The following BCAR1 variants were observed in gnomAD, a reference collection of about 807,000 sequenced individuals.
BCAR1 encodes the protein breast cancer anti-estrogen resistance protein 1.
Under a neutral mutation model 67.6 loss-of-function variants are expected in BCAR1, and 30 were observed. That is an observed-to-expected ratio of 0.44 (90% CI 0.33 to 0.60). The LOEUF is 0.60. BCAR1 is among the 20% of genes least tolerant of loss of function. The pLI is 0.02. For missense variants in BCAR1, 1,313 were observed against 1,222.3 expected, an observed-to-expected ratio of 1.07 and a Z score of -1.11; for synonymous variants, 626 against 556.7, an observed-to-expected ratio of 1.12 and a Z score of -1.75.
Position 75,229,921 on chromosome 16 carries a change from C to T in BCAR1, c.2203G>A (p.Gly735Ser), listed in dbSNP as rs143657726. The part of the protein sequence containing the change: ...AQPLAPGRTG[G>S]LGPSDRQLLL... ...AGCTGCCGGTCCGAGGGCCCCAGGC[C>T]GCCTGTTCGCCCCGGGGCCAGGGGT... The change falls in exon 7 of 7, where the codon GGC becomes AGC. Residue 735 changes from glycine (G) to serine (S), a missense_variant. Transcript: ENST00000162330. 354 of 1,607,158 alleles carry T rather than the reference C, an allele frequency of 2.2e-4. No homozygotes were observed. The African/African-American group carries it at 4.1e-3, about 18-fold the overall frequency.
In BCAR1 at chr16:75,235,686, C is replaced by A; in HGVS notation, c.1213G>T (p.Val405Phe). 6.2e-7 allele frequency: 1 copy of A among 1,611,596 alleles called. No homozygotes were observed. Reference sequence around the variant, plus strand: ...GGCACCGCATACACACCACTGTCGACCACGCCACCATCAGCCACCTCAGGA... The same window carrying A: ...GGCACCGCATACACACCACTGTCGAACACGCCACCATCAGCCACCTCAGGA... Reference protein sequence around the residue: ...LPPEVADGGVVDSGVYAVPPP... With the variant: ...LPPEVADGGVFDSGVYAVPPP... The change falls in exon 5 of 7, where the codon GTC becomes TTC. Residue 405 changes from valine (V) to phenylalanine (F), a missense_variant. Physicochemically the swap from Val to Phe is conservative, Grantham distance 50. Around this residue, in one of 2 missense-constraint regions of BCAR1, gnomAD observed 1,272 missense variants for 1,137.5 expected, o/e 1.12. Coordinates refer to ENST00000162330, the MANE Select transcript of BCAR1 (RefSeq NM_014567.5).
intron 2 of BCAR1, chr16:75,239,187 C>G (rs1029451437): frequency 1.1e-6 from 1 of 888,874 alleles, no homozygotes; most frequent in African/African-American, 1.8e-5. Flanking sequence ...CTGCTAATCA[C>G]AGGCCACCCT....
chr16:75,235,001 T>A lies in BCAR1; in HGVS notation c.1898A>T (p.Gln633Leu). ...PNPTDKTSSI[Q>L]SRPLPSPPKF... ...AGGGGGTGAGGGCAGGGGTCGTGAC[T>A]GGATGCTGCTGGTCTTGTCAGTGGG... The change falls in exon 5 of 7, where the codon CAG (glutamine) becomes CTG (leucine). Residue 633 changes from glutamine (Q) to leucine (L), a missense_variant. By Grantham distance (113) the Gln-to-Leu change is moderately radical (BLOSUM62 -2). Around this residue, in one of 2 missense-constraint regions of BCAR1, gnomAD observed 1,272 missense variants for 1,137.5 expected, o/e 1.12. Transcript: ENST00000162330. The A allele has an allele frequency of 1.2e-6, 2 of 1,611,784 alleles. No individual in the cohort carries two copies. Among genetic ancestry groups the A allele is most frequent in the Non-Finnish European group, 1.7e-6 (2 of 1,178,662 alleles).
rs993212071 is a variant in BCAR1, at chr16:75,250,821, G to C, written c.12+650C>G. 5 of 985,458 alleles carry C rather than the reference G, an allele frequency of 5.1e-6. No individual in the cohort carries two copies. The African/African-American group carries it at 7.0e-5, about 14-fold the overall frequency. 61.0% of individuals were successfully genotyped at this position (985,458 alleles called of 1,614,324 possible). On this transcript the variant is annotated intron_variant, in intron 1 of 6. Transcript: ENST00000162330. ...CTCCCGCGACACTCGCGTGCGGCTA[G>C]GACTCCTGTGGCCAGGACCCGGCTT...
At position 75,266,112 on chromosome 16, in the gene BCAR1, G is replaced by A. The variant is rs114532050; in HGVS notation, c.66+1803C>T. The A allele has an allele frequency of 0.022, 19,512 of 897,316 alleles. 1,974 individuals carry two copies. In the African/African-American group the frequency reaches 0.26, roughly 12 times the overall value. 55.6% of individuals were successfully genotyped at this position (897,316 alleles called of 1,614,324 possible). Reference sequence around the variant, plus strand: ...TCTGTCGGCCCAACGCGGCGGGGAGGCGCGGTCTCCTCCGCTCCTCGCCGA... The same window carrying A: ...TCTGTCGGCCCAACGCGGCGGGGAGACGCGGTCTCCTCCGCTCCTCGCCGA... On this transcript the variant is annotated intron_variant, in intron 1 of 6. Transcript: ENST00000393422.
intron 1 of BCAR1, among the ~76,000 whole-genome samples, chr16:75,244,515 C>A (rs1009957187): frequency 6.6e-6 from 1 of 152,228 alleles, no homozygotes; most frequent in East Asian, 1.9e-4. Context: ...CATCAGAGGG[C>A]GATGGCATAC....
At chr16:75,236,180 G>T in intron 4 of BCAR1, 194 bp from the exon 5 acceptor site, 1 of 656,008 alleles carries the variant, frequency 1.5e-6, no homozygotes, top group Non-Finnish European at 2.5e-6. Context: ...ACACACACTC[G>T]CAGCCCTAGC....
Position 75,235,473 on chromosome 16 carries a change from G to A in BCAR1, c.1426C>T (p.His476Tyr). Residue 476 changes from histidine (H) to tyrosine (Y), a missense_variant, in exon 5 of 7, where the codon CAC (histidine) becomes TAC (tyrosine). Physicochemically the swap from His to Tyr is moderately conservative, Grantham distance 83. Around this residue, in one of 2 missense-constraint regions of BCAR1, gnomAD observed 1,272 missense variants for 1,137.5 expected, o/e 1.12. Transcript: ENST00000162330. ...GCGCTGCCTGCCAGGTCCAGAAGGT[G>A]GGCAACGGTGGCGCTCACACCCTGC... The part of the protein sequence containing the change: ...LQQGVSATVA[H>Y]LLDLAGSAGA... The A allele has an allele frequency of 6.2e-7, 1 of 1,604,770 alleles. No individual in the cohort carries two copies. The highest frequency in any genetic ancestry group is 1.1e-5 in the South Asian group (1 of 90,250).
chr16:75,236,300 G>GC (rs1597190756), intron 4 of BCAR1: 1 of 462,558 alleles, frequency 2.2e-6, no homozygotes, highest in East Asian at 3.8e-5. Flanking sequence ...CCAAAGAATT[G>GC]CATGTGTTAA....
chr16:75,255,662 G>T (rs149483235), upstream of BCAR1, among the ~76,000 whole-genome samples: 208 of 151,242 alleles, frequency 1.4e-3, no homozygotes, highest in African/African-American at 5.0e-3. Flanking sequence ...CTGTACTCCA[G>T]CCTGGGCGAT....
At chr16:75,257,606 C>T (rs1167163355) in intron 1 of BCAR1, among the ~76,000 whole-genome samples, 3 of 152,196 alleles carry the variant, frequency 2.0e-5, no homozygotes, top group Admixed American at 6.5e-5. Context: ...AGGTGTGCAC[C>T]GCCATGCCTG....
upstream of BCAR1, chr16:75,252,541 T>TGGGCC (rs1353223499): frequency 4.7e-6 from 4 of 843,878 alleles, no homozygotes; most frequent in Admixed American, 3.2e-5. Context: ...CCAGAGCCCC[T>TGGGCC]GGGCCAGGCC....
At chr16:75,265,985 G>A (rs1198800513) in intron 1 of BCAR1, 3 of 1,047,408 alleles carry the variant, frequency 2.9e-6, no homozygotes, top group East Asian at 8.0e-5. Context: ...GGACTGTCCG[G>A]CCGCTCCAGC....
At chr16:75,265,502 T>C (rs1298378844) in intron 1 of BCAR1, among the ~76,000 whole-genome samples, 1 of 151,356 alleles carries the variant, frequency 6.6e-6, no homozygotes, top group Non-Finnish European at 1.5e-5. Flanking sequence ...AACAGACTCC[T>C]GCCTGGCCCA....
At chr16:75,238,020 G>C (rs551615959) in intron 2 of BCAR1, 2 of 1,286,530 alleles carry the variant, frequency 1.6e-6, no homozygotes, top group African/African-American at 1.5e-5. Flanking sequence ...GATCCCCAGC[G>C]ACCTGAAAGG....
At position 75,265,779 on chromosome 16, in the gene BCAR1, G is replaced by A. The variant is rs1427039996; in HGVS notation, c.66+2136C>T. On this transcript the variant is annotated intron_variant, in intron 1 of 6. Transcript: ENST00000393422. ...CAGCGGGCGGGGCGAGGTCGCAGCC[G>A]GGCGGGGGACAGCCGGCCCGGGGTC... 8 of 1,196,468 alleles carry A rather than the reference G, an allele frequency of 6.7e-6. No individual in the cohort carries two copies. The African/African-American group carries it at 8.0e-5, about 12-fold the overall frequency. 74.1% of individuals were successfully genotyped at this position (1,196,468 alleles called of 1,614,324 possible). A position where few individuals can be genotyped will look rare whatever the true frequency, so the allele number is the denominator to read the frequency against.
chr16:75,237,005 C>T lies in BCAR1; in HGVS notation c.796-7G>A. On this transcript the variant is annotated splice_region_variant and splice_polypyrimidine_tract_variant and intron_variant, in intron 3 of 6. Transcript: ENST00000162330. ...TGGGGGGTGTGTCATACACCTGGGG[C>T]AGAAACAGTGCAGGGTTAACGGCGC... The T allele has an allele frequency of 1.9e-6, 3 of 1,592,214 alleles. No individual in the cohort carries two copies. The highest frequency in any genetic ancestry group is 2.6e-6 in the Non-Finnish European group (3 of 1,167,792).
rs59358884 is a variant in BCAR1, at chr16:75,237,574, G to A, written c.634-230C>T. ...TCTGGGTTTTATTCAGAGCTGCCTCGTCCTGGGCCAGGACACCAACGTCTC... is the reference window on the plus strand; with the variant it reads ...TCTGGGTTTTATTCAGAGCTGCCTCATCCTGGGCCAGGACACCAACGTCTC... On this transcript the variant is annotated intron_variant, in intron 2 of 6. Coordinates refer to ENST00000162330, the MANE Select transcript of BCAR1 (RefSeq NM_014567.5). The A allele has an allele frequency of 6.4e-3, 3,302 of 517,524 alleles. 89 individuals are homozygous for A. The highest frequency in any genetic ancestry group is 0.059 in the African/African-American group (2,969 of 50,004). 32.1% of individuals were successfully genotyped at this position (517,524 alleles called of 1,614,324 possible). A position where few individuals can be genotyped will look rare whatever the true frequency, so the allele number is the denominator to read the frequency against.
chr16:75,237,521 AG>A, intron 2 of BCAR1, 177 bp from the exon 3 acceptor site: 1 of 723,674 alleles, frequency 1.4e-6, no homozygotes, highest in Non-Finnish European at 2.0e-6. Flanking sequence ...TTCCTCTAGC[AG>A]AACGCAGTGC....
Sources: gnomAD v4.1 joint callset for allele counts (sites outside exome capture counted in the v4.1 genomes callset) on GRCh38, gnomAD v4.1.1 for gene constraint, gnomAD v4.1.1 regional missense constraint, MANE v1.5 for transcripts, NCBI Gene and HGNC (gene_info 2026-07-23, HGNC 2026-07-21) for gene names.